The following ADCY9 variants were observed in gnomAD, a reference collection of about 807,000 sequenced individuals.
ADCY9 encodes adenylate cyclase type 9.
In ADCY9, 50 loss-of-function variants were observed where a neutral mutation model predicts 101.5. That is an observed-to-expected ratio of 0.49 (90% confidence interval 0.39 to 0.62). The LOEUF is 0.62. ADCY9 is among the 20% of genes least tolerant of loss of function. The pLI is 0.00. For missense variants in ADCY9, 1,662 were observed against 1,800.4 expected, an observed-to-expected ratio of 0.92 and a Z score of 1.39; for synonymous variants, 905 against 769.3, an observed-to-expected ratio of 1.18 and a Z score of -2.92.
At chr16:3,993,378 A>G in intron 4 of ADCY9, 28 bp downstream of exon 4, 1 of 1,609,712 alleles carries the variant, frequency 6.2e-7, no homozygotes, top group East Asian at 2.2e-5. Flanking sequence ...AGAGGAACTG[A>G]CAGGAACAAC....
intron 2 of ADCY9, among the ~76,000 whole-genome samples, chr16:4,094,085 G>A (rs2056988866): frequency 6.6e-6 from 1 of 152,172 alleles, no homozygotes; most frequent in Non-Finnish European, 1.5e-5. Flanking sequence ...TTTCTTTCAG[G>A]AGCCAGAAAG....
In ADCY9 at chr16:3,993,525, CAG is replaced by C; in HGVS notation, c.1885-17_1885-16del. ...GAAGGGCAGGTCTAGAAGAAAAACA[CAG>C]ACTGTGGGGACACACCCAGAAACCG... On this transcript the variant is annotated splice_polypyrimidine_tract_variant and intron_variant, in intron 3 of 10. Transcript: ENST00000294016. 1 of 1,613,492 alleles carries C rather than the reference CAG, an allele frequency of 6.2e-7. No individual in the cohort carries two copies.
chr16:3,992,061 A>G lies in ADCY9; in HGVS notation c.2207+85T>C. 7.4e-7 allele frequency: 1 copy of G among 1,360,524 alleles called. No individual in the cohort carries two copies. Among genetic ancestry groups the G allele is most frequent in the Non-Finnish European group, 1.0e-6 (1 of 976,716 alleles). 84.3% of individuals were successfully genotyped at this position (1,360,524 alleles called of 1,614,324 possible). ...ACTGCAGCCTGGATGACAGAGCGAG[A>G]CTCAGTCTTAAAGAAAAGAAAAGAA... On this transcript the variant is annotated intron_variant, in intron 5 of 10. Coordinates refer to ENST00000294016, the MANE Select transcript of ADCY9 (RefSeq NM_001116.4). The surrounding 1 kb of genome is among the most constrained non-coding windows in gnomAD (Gnocchi z 4.2).
intron 2 of ADCY9, among the ~76,000 whole-genome samples, chr16:4,089,431 G>A (rs1033211364): frequency 3.3e-5 from 5 of 152,066 alleles, no homozygotes; most frequent in African/African-American, 1.2e-4. Context: ...CTACAGAGGT[G>A]CTACGTTTTG....
chr16:3,982,769 G>A (rs2056154879), intron 7 of ADCY9: 1 of 163,250 alleles, frequency 6.1e-6, no homozygotes, highest in African/African-American at 2.4e-5. Flanking sequence ...AGGAAGTTGG[G>A]CTTGTCTATT....
intron 2 of ADCY9, among the ~76,000 whole-genome samples, chr16:4,033,332 T>C (rs2056568501): frequency 6.6e-6 from 1 of 152,080 alleles, no homozygotes; most frequent in African/African-American, 2.4e-5. Flanking sequence ...ATTCACGTAA[T>C]ACTGCAGAAC....
At chr16:4,057,639 G>A (rs1355847782) in intron 2 of ADCY9, among the ~76,000 whole-genome samples, 6 of 152,292 alleles carry the variant, frequency 3.9e-5, no homozygotes, top group East Asian at 3.9e-4. Flanking sequence ...CTGTGAGCAC[G>A]CCAGAGGGCC....
intron 10 of ADCY9, among the ~76,000 whole-genome samples, chr16:3,973,943 GTTTAATT>G (rs1223830423): frequency 1.3e-5 from 2 of 152,136 alleles, no homozygotes; most frequent in African/African-American, 2.4e-5. Flanking sequence ...ATTTTATATA[GTTTAATT>G]TTTATTTCCG....
chr16:3,966,792 A>T lies in ADCY9; in HGVS notation c.3045T>A (p.Asp1015Glu), dbSNP rs1257126554. The T allele has an allele frequency of 1.9e-6, 3 of 1,614,048 alleles. No individual in the cohort carries two copies. Among genetic ancestry groups the T allele is most frequent in the Non-Finnish European group, 2.5e-6 (3 of 1,180,044 alleles). Residue 1015 changes from aspartate (D) to glutamate (E), a missense_variant, in exon 11 of 11, where the codon GAT becomes GAA. Physicochemically the swap from Asp to Glu is conservative, Grantham distance 45 (BLOSUM62 2). Around this residue, in one of 5 missense-constraint regions of ADCY9, gnomAD observed 624 missense variants for 639.1 expected, o/e 0.98. Coordinates refer to ENST00000294016, the MANE Select transcript of ADCY9 (RefSeq NM_001116.4). ...TGCTCTGGATCTTGGTGCGGTGAAGATCCGCTTCCACGTCTCCGTGGTAGT... is the reference window on the plus strand; with the variant it reads ...TGCTCTGGATCTTGGTGCGGTGAAGTTCCGCTTCCACGTCTCCGTGGTAGT... ...RLHYHGDVEA[D>E]LHRTKIQSMR...
At chr16:3,979,416 G>T in intron 7 of ADCY9, 141 bp from the exon 8 acceptor site, 2 of 974,848 alleles carry the variant, frequency 2.1e-6, no homozygotes, top group Non-Finnish European at 3.0e-6. Flanking sequence ...GCAGGCGTGG[G>T]GTGGGAGTCT....
At chr16:3,982,339 C>G (rs1194256191) in intron 7 of ADCY9, 1 of 152,338 alleles carries the variant, frequency 6.6e-6, no homozygotes, top group Admixed American at 6.5e-5. Flanking sequence ...CGCTCAAGGT[C>G]AGGGCTGCCT....
At chr16:3,991,968 G>A (rs1245150542) in intron 5 of ADCY9, among the ~76,000 whole-genome samples, 178 bp downstream of exon 5, 1 of 152,020 alleles carries the variant, frequency 6.6e-6, no homozygotes, top group Non-Finnish European at 1.5e-5. Context: ...CTACTTGGGA[G>A]GCTGAGGCAG....
At chr16:4,018,756 C>T (rs924983524) in intron 2 of ADCY9, among the ~76,000 whole-genome samples, 2 of 152,078 alleles carry the variant, frequency 1.3e-5, no homozygotes, top group Non-Finnish European at 2.9e-5. Context: ...TGACAGTTTC[C>T]CAGACTGTGT....
chr16:4,045,879 T>A (rs1410191659), intron 2 of ADCY9, among the ~76,000 whole-genome samples: 1 of 143,382 alleles, frequency 7.0e-6, no homozygotes, highest in African/African-American at 2.6e-5. Context: ...CTTTTTTTTT[T>A]TTTTTTTTTT....
Position 3,992,875 on chromosome 16 carries a change from GAGAGC to G in ADCY9, c.1990-517_1990-513del, listed in dbSNP as rs2056256741. Among the ~76,000 whole-genome samples the G allele has an allele frequency of 6.6e-6, 1 of 152,228 alleles. No homozygotes were observed. The highest frequency in any genetic ancestry group is 1.9e-4 in the East Asian group (1 of 5,156). ...TGCACCTGCAATCCTTTGGCAGATG[GAGAGC>G]AGATGGAGGACGAGAGCCCGCGCCC... On this transcript the variant is annotated intron_variant, in intron 4 of 10. Transcript: ENST00000294016. This position sits in a 1 kb window ranked among gnomAD's most constrained non-coding sequence, Gnocchi z 4.2.
At chr16:4,023,237 G>A (rs532578307) in intron 2 of ADCY9, among the ~76,000 whole-genome samples, 5 of 152,330 alleles carry the variant, frequency 3.3e-5, no homozygotes, top group Non-Finnish European at 2.9e-5. Flanking sequence ...TGAACATGGC[G>A]TCCATCACCT....
At chr16:4,027,964 C>T (rs1282395463) in intron 2 of ADCY9, among the ~76,000 whole-genome samples, 4 of 151,966 alleles carry the variant, frequency 2.6e-5, no homozygotes, top group African/African-American at 7.3e-5. Context: ...CCTGCCCCCA[C>T]GATTCAATTA....
intron 9 of ADCY9, among the ~76,000 whole-genome samples, chr16:3,977,196 G>T (rs1289834725): frequency 6.6e-6 from 1 of 152,192 alleles, no homozygotes; most frequent in Non-Finnish European, 1.5e-5. Context: ...TTCATCAGAA[G>T]TCACCTCGGT....
At chr16:3,990,364 G>C (rs2141700186) in intron 5 of ADCY9, among the ~76,000 whole-genome samples, 1 of 152,138 alleles carries the variant, frequency 6.6e-6, no homozygotes, top group East Asian at 1.9e-4. Context: ...TACTCGGGTG[G>C]CTAAGGCAGG....
Sources: gnomAD v4.1 joint callset for allele counts (sites outside exome capture counted in the v4.1 genomes callset) on GRCh38, gnomAD v4.1.1 for gene constraint, gnomAD v4.1.1 regional missense constraint, Gnocchi (gnomAD v3.1) non-coding constraint, MANE v1.5 for transcripts, NCBI Gene and HGNC (gene_info 2026-07-23, HGNC 2026-07-21) for gene names.